Variants in PTPRG observed in about 807,000 individuals in gnomAD.
PTPRG encodes the protein protein tyrosine phosphatase receptor type G.
PTPRG carries 102 observed loss-of-function variants against 165.3 expected under a neutral mutation model. That is an observed-to-expected ratio of 0.62 (90% confidence interval 0.53 to 0.73). The LOEUF (loss-of-function observed/expected upper bound fraction) is 0.73, where lower values mean the gene tolerates loss of function less well. Ranked by LOEUF, PTPRG falls within the 30% of genes least tolerant of loss-of-function variation. PTPRG has a pLI of 0.00. For synonymous variants in PTPRG, 675 were observed against 669.5 expected (o/e 1.01, Z -0.13); for missense variants, 1,866 against 1,861.4 (o/e 1.00, Z -0.05).
chr3:62,140,569 G>C (rs73096565), intron 6 of PTPRG, among the ~76,000 whole-genome samples: 7 of 152,194 alleles, frequency 4.6e-5, no homozygotes, highest in Admixed American at 4.6e-4. Context: ...AGGAGGGGCC[G>C]GGTGCAATGG....
At chr3:62,101,178 C>A (rs1430226418) in intron 5 of PTPRG, among the ~76,000 whole-genome samples, 3 of 152,164 alleles carry the variant, frequency 2.0e-5, no homozygotes, top group Admixed American at 2.0e-4. Flanking sequence ...TACACTTATT[C>A]TTTCTACTTT....
chr3:61,950,588 A>G (rs1180752592), intron 2 of PTPRG, among the ~76,000 whole-genome samples: 1 of 152,060 alleles, frequency 6.6e-6, no homozygotes, highest in Non-Finnish European at 1.5e-5. Context: ...TTTTTAAAGC[A>G]TTGGTTATAG....
In PTPRG at chr3:61,617,754, C is replaced by G. The variant is rs575234512; in HGVS notation, c.85+55382C>G. Among the ~76,000 whole-genome samples, 123 of 151,980 alleles carry G rather than the reference C, an allele frequency of 8.1e-4. 2 individuals carry two copies. The highest frequency in any genetic ancestry group is 1.9e-4 in the East Asian group (1 of 5,196). ...GGAGTCCTCACACAGTGGATAGATA[C>G]GAAAACGGTCTCTTTACTTCTGTGA... On this transcript the variant is annotated intron_variant, in intron 1 of 29. Coordinates refer to ENST00000474889, the MANE Select transcript of PTPRG (RefSeq NM_002841.4).
intron 2 of PTPRG, among the ~76,000 whole-genome samples, chr3:61,919,787 T>C (rs7615739): frequency 0.011 from 1,615 of 152,232 alleles, 35 homozygotes; most frequent in South Asian, 0.092. Flanking sequence ...AATAAAAAAG[T>C]TTCTGGAATT....
chr3:61,698,715 T>C (rs2030754563), intron 1 of PTPRG, among the ~76,000 whole-genome samples: 1 of 152,140 alleles, frequency 6.6e-6, no homozygotes, highest in African/African-American at 2.4e-5. Flanking sequence ...AAATTTTAAC[T>C]GACAAATTAA....
At chr3:61,687,164 G>C (rs998345635) in intron 1 of PTPRG, among the ~76,000 whole-genome samples, 3 of 152,136 alleles carry the variant, frequency 2.0e-5, no homozygotes, top group African/African-American at 4.8e-5. Flanking sequence ...AGGAAAAGAC[G>C]TAGGAAATCT....
intron 2 of PTPRG, among the ~76,000 whole-genome samples, chr3:61,793,676 C>A (rs1486627983): frequency 1.3e-5 from 2 of 152,126 alleles, no homozygotes; most frequent in Non-Finnish European, 2.9e-5. Context: ...GCTATTCTTA[C>A]CAGCCAAGAC....
chr3:61,856,769 G>A (rs898264940), intron 2 of PTPRG, among the ~76,000 whole-genome samples: 1 of 152,150 alleles, frequency 6.6e-6, no homozygotes, highest in Admixed American at 6.5e-5. Flanking sequence ...TACTCATTAT[G>A]CTGCTCTTGG....
intron 2 of PTPRG, among the ~76,000 whole-genome samples, chr3:61,815,089 G>C (rs1441822553): frequency 5.3e-5 from 8 of 151,792 alleles, no homozygotes; most frequent in African/African-American, 1.5e-4. Context: ...CTCATGTTTA[G>C]TTTTGTTTAT....
rs572879091 is a variant in PTPRG at position 61,700,611 on chromosome 3, T to C, written c.86-48267T>C. ...CTTCAGTGAAGATATGAGTATGTAT[T>C]TGGAAGATGGTGAAGTGAACTTGAC... On this transcript the variant is annotated intron_variant, in intron 1 of 29. Coordinates refer to ENST00000474889, the MANE Select transcript of PTPRG (RefSeq NM_002841.4). 2.6e-5 allele frequency among the ~76,000 whole-genome samples: 4 copies of C among 152,308 alleles called. No individual in the cohort carries two copies. The East Asian group carries it at 7.7e-4, about 29-fold the overall frequency.
chr3:62,160,694 A>G (rs953300663), intron 7 of PTPRG, among the ~76,000 whole-genome samples: 4 of 152,232 alleles, frequency 2.6e-5, no homozygotes, highest in African/African-American at 4.8e-5. Context: ...GCCCATAGGC[A>G]ACTAACCCAA....
At chr3:61,779,471 C>G (rs1285326858) in intron 2 of PTPRG, among the ~76,000 whole-genome samples, 1 of 152,092 alleles carries the variant, frequency 6.6e-6, no homozygotes, top group African/African-American at 2.4e-5. Flanking sequence ...TCACAGATGA[C>G]TTGACCCCGG....
intron 1 of PTPRG, among the ~76,000 whole-genome samples, chr3:61,569,922 T>A (rs1374429353): frequency 6.6e-6 from 1 of 152,164 alleles, no homozygotes; most frequent in African/African-American, 2.4e-5. Context: ...CAGCTTAAAG[T>A]GGGAAAAATG....
chr3:61,580,744 C>T (rs1167377291), intron 1 of PTPRG, among the ~76,000 whole-genome samples: 2 of 152,080 alleles, frequency 1.3e-5, no homozygotes, highest in African/African-American at 4.8e-5. Flanking sequence ...GTGTTTTATT[C>T]CTGTGGCTAA....
chr3:62,111,145 T>C (rs1189118495), intron 5 of PTPRG, among the ~76,000 whole-genome samples: 3 of 152,222 alleles, frequency 2.0e-5, no homozygotes, highest in Non-Finnish European at 4.4e-5. Flanking sequence ...GCCAGAATTG[T>C]TGTAGTGAGT....
intron 2 of PTPRG, among the ~76,000 whole-genome samples, chr3:61,868,479 G>T (rs2037472786): frequency 6.6e-6 from 1 of 152,110 alleles, no homozygotes; most frequent in Non-Finnish European, 1.5e-5. Flanking sequence ...CGTCCAACCT[G>T]CCTTGAGCCT....
chr3:61,671,760 G>T (rs1559549838), intron 1 of PTPRG, among the ~76,000 whole-genome samples: 1 of 143,424 alleles, frequency 7.0e-6, no homozygotes, highest in African/African-American at 2.6e-5. Flanking sequence ...CGGCTGGCCG[G>T]GCGGGGGGCT....
chr3:62,068,276 G>A (rs1350533239), intron 4 of PTPRG, among the ~76,000 whole-genome samples: 1 of 152,128 alleles, frequency 6.6e-6, no homozygotes, highest in Non-Finnish European at 1.5e-5. Context: ...GGAAAGGGTA[G>A]GCAGGGGCAG....
intron 2 of PTPRG, among the ~76,000 whole-genome samples, chr3:61,807,900 T>C (rs1168059669): frequency 6.6e-6 from 1 of 152,202 alleles, no homozygotes; most frequent in Non-Finnish European, 1.5e-5. Context: ...TTTGATCTTC[T>C]GCAGAGCTAG....
Sources: allele counts gnomAD v4.1 joint callset (sites outside exome capture counted in the v4.1 genomes callset), GRCh38; gene constraint gnomAD v4.1.1; transcripts MANE v1.5; gene names NCBI Gene and HGNC (gene_info 2026-07-23, HGNC 2026-07-21).